Variants in PDILT observed in about 807,000 individuals in gnomAD.
PDILT encodes the protein protein disulfide isomerase like, testis expressed.
In PDILT, 43 loss-of-function variants were observed where a neutral mutation model predicts 53.7. The ratio of observed to expected loss-of-function variants is 0.80; its 90% CI spans 0.63 to 1.03. PDILT has a LOEUF of 1.03. Among genes scored for constraint, PDILT ranks in the 50% least tolerant of loss-of-function variants. The probability of loss-of-function intolerance (pLI) is 0.00; values close to 1 mark genes in which losing one functional copy is unlikely to be tolerated. For synonymous variants in PDILT, 282 were observed against 274.2 expected (o/e 1.03, Z -0.28); for missense variants, 727 against 712.3 (o/e 1.02, Z -0.24).
At chr16:20,364,070 G>GC (rs1179795829) in intron 9 of PDILT, among the ~76,000 whole-genome samples, 1 of 152,142 alleles carries the variant, frequency 6.6e-6, no homozygotes, top group Non-Finnish European at 1.5e-5. Context: ...ATCTCTGGCA[G>GC]CCCCCCTAGC....
rs141743282 is a variant in PDILT, at chr16:20,398,798, C to T, written c.202+301G>A. 5.2e-3 allele frequency among the ~76,000 whole-genome samples: 794 copies of T among 152,242 alleles called. 18 individuals are homozygous for T. Among genetic ancestry groups the T allele is most frequent in the Admixed American group, 0.038 (578 of 15,294 alleles). On this transcript the variant is annotated intron_variant, in intron 2 of 11. Coordinates refer to ENST00000302451, the MANE Select transcript of PDILT (RefSeq NM_174924.2). Reference sequence around the variant, plus strand: ...ACACCCATTTTACAGAGGAGAAAGACTGAGGCTCGGAATAATACAGACACC... The same window carrying T: ...ACACCCATTTTACAGAGGAGAAAGATTGAGGCTCGGAATAATACAGACACC...
intron 3 of PDILT, among the ~76,000 whole-genome samples, chr16:20,381,237 T>C (rs1342633615): frequency 1.3e-5 from 2 of 151,334 alleles, no homozygotes; most frequent in Non-Finnish European, 2.9e-5. Flanking sequence ...CTAAGAGGAG[T>C]TTTCATCAAA....
chr16:20,402,454 A>G (rs11865591), intron 1 of PDILT, among the ~76,000 whole-genome samples: 1 of 151,984 alleles, frequency 6.6e-6, no homozygotes, highest in East Asian at 1.9e-4. Flanking sequence ...GCGTGCCATC[A>G]TGCCCGGCTA....
chr16:20,401,762 G>A (rs573641485), intron 1 of PDILT, among the ~76,000 whole-genome samples: 1 of 152,344 alleles, frequency 6.6e-6, no homozygotes, highest in African/African-American at 2.4e-5. Context: ...GTGGAGGGCT[G>A]AGCCTCTGAG....
chr16:20,375,997 C>A, intron 4 of PDILT, 71 bp downstream of exon 4: 1 of 1,576,494 alleles, frequency 6.3e-7, no homozygotes, highest in Non-Finnish European at 8.6e-7. Flanking sequence ...AGAGTCTCCT[C>A]ACACCACCCC....
At position 20,360,650 on chromosome 16, in the gene PDILT, A is replaced by C. The variant is rs4500734; in HGVS notation, c.1424T>G (p.Leu475Arg). ...CTTCAGGGTGTGTTCTCCCTTATACAGGACAGCCTAGGATGAAAATGGAAC... is the reference window on the plus strand; with the variant it reads ...CTTCAGGGTGTGTTCTCCCTTATACCGGACAGCCTAGGATGAAAATGGAAC... ...LFPSGSQQAVLYKGEHTLKGF... is the reference protein window; with the variant it reads ...LFPSGSQQAVRYKGEHTLKGF... Residue 475 changes from leucine to arginine, a missense_variant, in exon 11 of 12, where the codon CTG (leucine) becomes CGG (arginine). Coordinates refer to ENST00000302451, the MANE Select transcript of PDILT (RefSeq NM_174924.2). The C allele has an allele frequency of 0.019, 30,376 of 1,611,396 alleles. 351 individuals carry two copies. Among genetic ancestry groups the C allele is most frequent in the Middle Eastern group, 0.054 (329 of 6,054 alleles).
intron 3 of PDILT, among the ~76,000 whole-genome samples, chr16:20,382,662 C>T (rs1966476644): frequency 6.6e-6 from 1 of 152,242 alleles, no homozygotes; most frequent in East Asian, 1.9e-4. Context: ...ATGCCTGGAA[C>T]ACAGTATATG....
At chr16:20,401,291 G>A (rs966191642) in intron 1 of PDILT, among the ~76,000 whole-genome samples, 1 of 152,190 alleles carries the variant, frequency 6.6e-6, no homozygotes, top group Non-Finnish European at 1.5e-5. Context: ...CTATTAGGTA[G>A]AACCCTTGTT....
chr16:20,393,509 G>A (rs1470185654), intron 2 of PDILT, among the ~76,000 whole-genome samples: 1 of 152,178 alleles, frequency 6.6e-6, no homozygotes, highest in African/African-American at 2.4e-5. Flanking sequence ...AATGTTAACG[G>A]TAGAAAAAGA....
intron 2 of PDILT, among the ~76,000 whole-genome samples, 196 bp from the exon 3 acceptor site, chr16:20,385,047 G>A (rs931415706): frequency 6.6e-6 from 1 of 152,172 alleles, no homozygotes; most frequent in Non-Finnish European, 1.5e-5. Flanking sequence ...GTCTATCAAG[G>A]TTCTTTGGAT....
chr16:20,369,615 G>T lies in PDILT; in HGVS notation c.993C>A (p.Val331=), dbSNP rs144874720. ...RVFKYFRVTE[V]DIPSVQILNL... Reference sequence around the variant, plus strand: ...TTAGGATTTGGACGGATGGGATATCGACCTCTGTGACCCGGAAGTACTTGA... The same window carrying T: ...TTAGGATTTGGACGGATGGGATATCTACCTCTGTGACCCGGAAGTACTTGA... Residue 331 remains valine, a synonymous_variant, in exon 8 of 12, where the codon GTC becomes GTA. Transcript: ENST00000302451. 6.8e-4 allele frequency: 1,093 copies of T among 1,614,162 alleles called. 1 individual carries two copies. The highest frequency in any genetic ancestry group is 8.6e-4 in the Non-Finnish European group (1,010 of 1,180,032).
At chr16:20,362,053 A>T (rs1966110657) in intron 10 of PDILT, among the ~76,000 whole-genome samples, 1 of 152,182 alleles carries the variant, frequency 6.6e-6, no homozygotes, top group South Asian at 2.1e-4. Context: ...CACATCCAAT[A>T]TTCTCATGGA....
At position 20,384,820 on chromosome 16, in the gene PDILT, C is replaced by A; in HGVS notation, c.234G>T (p.Leu78Phe). ...CCACAGCTTTGCCCAGCTCTTCCGC[C>A]AAGTTCCTGGATTGCTTTGAGGATG... is the stretch of plus-strand genomic sequence containing the variant. ...HNPSSKQSRNLAEELGKAVEI... is the reference protein window; with the variant it reads ...HNPSSKQSRNFAEELGKAVEI... Residue 78 changes from leucine to phenylalanine, a missense_variant, in exon 3 of 12, where the codon TTG (leucine) becomes TTT (phenylalanine). Transcript: ENST00000302451. 1 of 1,614,186 alleles carries A rather than the reference C, an allele frequency of 6.2e-7. No homozygotes were observed. Among genetic ancestry groups the A allele is most frequent in the Admixed American group, 1.7e-5 (1 of 60,030 alleles).
intron 2 of PDILT, among the ~76,000 whole-genome samples, chr16:20,398,817 A>T (rs1219847255): frequency 3.9e-5 from 6 of 152,178 alleles, no homozygotes; most frequent in Admixed American, 1.3e-4. Flanking sequence ...GGAATAATAC[A>T]GACACCTCGG....
intron 11 of PDILT, 109 bp downstream of exon 11, chr16:20,360,459 A>G (rs533262896): frequency 2.9e-6 from 3 of 1,041,998 alleles, no homozygotes; most frequent in East Asian, 2.4e-5. Context: ...TCCATCCTCA[A>G]CCATCTCCCA....
intron 1 of PDILT, among the ~76,000 whole-genome samples, chr16:20,401,083 T>C (rs1474525215): frequency 6.6e-6 from 1 of 152,210 alleles, no homozygotes; most frequent in Admixed American, 6.5e-5. Context: ...AAAGGGCAAG[T>C]GGAGAAAAGG....
chr16:20,399,876 A>C (rs2141624416), intron 1 of PDILT, among the ~76,000 whole-genome samples: 1 of 152,202 alleles, frequency 6.6e-6, no homozygotes, highest in South Asian at 2.1e-4. Flanking sequence ...AGTTTCAAGC[A>C]ATACAATACA....
chr16:20,367,075 CTTT>C (rs1567320859), intron 8 of PDILT, among the ~76,000 whole-genome samples: 16 of 121,784 alleles, frequency 1.3e-4, no homozygotes, highest in Non-Finnish European at 2.4e-4. Context: ...TTCTTTCTTT[CTTT>C]CTTTCTTTCT....
chr16:20,370,029 G>A (rs1966280798), intron 7 of PDILT, among the ~76,000 whole-genome samples: 1 of 152,228 alleles, frequency 6.6e-6, no homozygotes, highest in Non-Finnish European at 1.5e-5. Flanking sequence ...ACAGGACAAT[G>A]TATGGAAAGG....
Sources: gnomAD v4.1 joint callset for allele counts (sites outside exome capture counted in the v4.1 genomes callset) on GRCh38, gnomAD v4.1.1 for gene constraint, MANE v1.5 for transcripts, NCBI Gene and HGNC (gene_info 2026-07-23, HGNC 2026-07-21) for gene names.